POMT2: variants seen among roughly 807,000 people sequenced by gnomAD.
POMT2 encodes the protein protein O-mannosyl-transferase 2.
A neutral mutation model predicts 100.0 loss-of-function variants in POMT2; 75 were observed. The ratio of observed to expected loss-of-function variants is 0.75; its 90% CI spans 0.62 to 0.91. The LOEUF is 0.91. Ranked by LOEUF, POMT2 falls within the 40% of genes least tolerant of loss-of-function variation. The pLI, the probability that POMT2 is intolerant of heterozygous loss-of-function variation, is 0.00. For missense variants in POMT2, 940 were observed against 955.1 expected (o/e 0.98, Z 0.21); for synonymous variants, 378 against 374.1 (o/e 1.01, Z -0.12).
At chr14:77,283,646 C>T in intron 15 of POMT2, 151 bp downstream of exon 15, 1 of 755,876 alleles carries the variant, frequency 1.3e-6, no homozygotes, top group Non-Finnish European at 2.3e-6. Flanking sequence ...GAGGGAAATG[C>T]CTTTGAGGAT....
intron 15 of POMT2, 30 bp downstream of exon 15, chr14:77,283,767 G>C (rs1252864006): frequency 6.4e-7 from 1 of 1,555,156 alleles, no homozygotes; most frequent in Non-Finnish European, 8.9e-7. Flanking sequence ...AGCTCTTAGA[G>C]ACGCCATGAA....
In POMT2 at chr14:77,298,900, G is replaced by A. The variant is rs1029641877; in HGVS notation, c.924-129C>T. Reference sequence around the variant, plus strand: ...GAATCAGATCATGGGACAGAGGTGGGTGATGGAGTTGGAGAAACTGGGGTC... The same window carrying A: ...GAATCAGATCATGGGACAGAGGTGGATGATGGAGTTGGAGAAACTGGGGTC... On this transcript the variant is annotated intron_variant, in intron 7 of 20. Coordinates refer to ENST00000261534, the MANE Select transcript of POMT2 (RefSeq NM_013382.7). 4 of 926,792 alleles carry A rather than the reference G, an allele frequency of 4.3e-6. No individual in the cohort carries two copies. In the Admixed American group the frequency reaches 6.0e-5, roughly 14 times the overall value. The allele number at this position is 926,792 out of a possible 1,614,324, so 57.4% of individuals were successfully genotyped here.
intron 20 of POMT2, 110 bp from the exon 21 acceptor site, chr14:77,277,591 C>T: frequency 1.1e-6 from 1 of 894,148 alleles, no homozygotes; most frequent in Non-Finnish European, 1.9e-6. Flanking sequence ...CATCGCCAAG[C>T]CCGGTTCTCT....
chr14:77,311,504 C>T (rs1023716135), intron 2 of POMT2, among the ~76,000 whole-genome samples: 14 of 152,168 alleles, frequency 9.2e-5, no homozygotes, highest in African/African-American at 3.4e-4. Context: ...ATCCTCCCTG[C>T]CCTGAGATCC....
chr14:77,279,130 C>A (rs370297950), intron 18 of POMT2: 1 of 552,220 alleles, frequency 1.8e-6, no homozygotes, highest in African/African-American at 1.9e-5. Flanking sequence ...TCTAAAGAAA[C>A]CCTTCTGCGC....
chr14:77,304,695 AG>A lies in POMT2; in HGVS notation c.543del (p.Phe182LeufsTer18). On this transcript the variant is annotated frameshift_variant, in exon 4 of 21. Transcript: ENST00000261534. LOFTEE classifies it high-confidence loss of function. Reference protein sequence around the residue: ...SAALLTAALLTFDTGCLTLSQ... With the variant: ...SAALLTAALLXFDTGCLTLSQ... ...TGGTATGGCTAAGACAACTTACCAA[AG>A]GTGAGGAGGGCAGCTGTGAGCAGTG... The A allele has an allele frequency of 6.3e-7, 1 of 1,583,956 alleles. No individual in the cohort carries two copies. Among genetic ancestry groups the A allele is most frequent in the Non-Finnish European group, 8.6e-7 (1 of 1,165,910 alleles).
chr14:77,302,986 A>G (rs1566657263), intron 4 of POMT2, 43 bp from the exon 5 acceptor site: 1 of 1,483,344 alleles, frequency 6.7e-7, no homozygotes, highest in Non-Finnish European at 9.3e-7. Context: ...AGGTAAGAGA[A>G]GGGCCCCCTG....
intron 1 of POMT2, 128 bp from the exon 2 acceptor site, chr14:77,312,161 A>C: frequency 2.1e-6 from 3 of 1,432,816 alleles, no homozygotes; most frequent in Non-Finnish European, 2.8e-6. Flanking sequence ...CTGGATTTAA[A>C]AAAAAAATAT....
At chr14:77,300,424 G>A (rs7155115) in intron 6 of POMT2, 3,621 of 155,182 alleles carry the variant, frequency 0.023, 146 homozygotes, top group African/African-American at 0.083. Context: ...AAGGTAAAGC[G>A]TTTCGCATAG....
intron 1 of POMT2, among the ~76,000 whole-genome samples, chr14:77,315,729 C>T (rs926303174): frequency 1.3e-5 from 2 of 152,200 alleles, no homozygotes; most frequent in Non-Finnish European, 2.9e-5. Flanking sequence ...AACTTCGTGG[C>T]GGCTGGGTGC....
At chr14:77,298,085 T>G (rs1014614188) in intron 8 of POMT2, among the ~76,000 whole-genome samples, 1 of 152,220 alleles carries the variant, frequency 6.6e-6, no homozygotes, top group Admixed American at 6.5e-5. Context: ...GCTTTGATCA[T>G]GTCATCCCTC....
At chr14:77,294,499 TTTTTAGTA>T (rs1349572966) in intron 9 of POMT2, among the ~76,000 whole-genome samples, 1 of 152,208 alleles carries the variant, frequency 6.6e-6, no homozygotes, top group Non-Finnish European at 1.5e-5. Flanking sequence ...TTTTTTTGTA[TTTTTAGTA>T]GAGATGGGGT....
At chr14:77,283,263 T>C (rs1372099224) in intron 15 of POMT2, among the ~76,000 whole-genome samples, 4 of 152,254 alleles carry the variant, frequency 2.6e-5, no homozygotes, top group Non-Finnish European at 5.9e-5. Flanking sequence ...TGATTTCATA[T>C]GATGGAATGA....
intron 2 of POMT2, chr14:77,306,857 AGT>A (rs1206270374): frequency 4.1e-6 from 1 of 246,776 alleles, no homozygotes; most frequent in Non-Finnish European, 7.9e-6. Context: ...TCCAAGTCAC[AGT>A]GAGAGAGAAA....
intron 1 of POMT2, among the ~76,000 whole-genome samples, chr14:77,320,106 C>T (rs1258274617): frequency 6.6e-6 from 1 of 152,086 alleles, no homozygotes; most frequent in Non-Finnish European, 1.5e-5. Flanking sequence ...AAATTCTGTA[C>T]CCAAAAATTT....
chr14:77,320,866 G>A lies in POMT2; in HGVS notation c.-185C>T. On this transcript the variant is annotated 5_prime_UTR_variant, in exon 1 of 21. Coordinates refer to ENST00000261534, the MANE Select transcript of POMT2 (RefSeq NM_013382.7). ...AGCGTGGTCGCGGCCCGGGCCGCTA[G>A]GAGGCGGCAGGAGGCGCAGAGCATG... is the stretch of plus-strand genomic sequence containing the variant. The A allele has an allele frequency of 8.2e-7, 1 of 1,216,740 alleles. No individual in the cohort carries two copies. Among genetic ancestry groups the A allele is most frequent in the Non-Finnish European group, 1.1e-6 (1 of 937,246 alleles). The allele number at this position is 1,216,740 out of a possible 1,614,324, so 75.4% of individuals were successfully genotyped here. A position where few individuals can be genotyped will look rare whatever the true frequency, so the allele number is the denominator to read the frequency against.
At chr14:77,300,312 C>T (rs1443583240) in intron 6 of POMT2, 1 of 154,660 alleles carries the variant, frequency 6.5e-6, no homozygotes, top group Non-Finnish European at 1.4e-5. Context: ...CCGATGGCCT[C>T]GGGGAAGTCA....
chr14:77,292,114 A>G (rs770758672), intron 9 of POMT2, among the ~76,000 whole-genome samples: 56 of 152,236 alleles, frequency 3.7e-4, no homozygotes, highest in Non-Finnish European at 6.0e-4. Flanking sequence ...ATGTGGCCAA[A>G]TGAAACGAAA....
chr14:77,285,625 G>T lies in POMT2; in HGVS notation c.1340C>A (p.Thr447Lys). The part of the protein sequence containing the change: ...YQVTGYGING[T>K]GDSNDFWRIE... ...CCGCCAGAAATCATTTGAGTCCCCTGTTCCATTCTGCCATAAAAGCCAAGA... is the reference window on the plus strand; with the variant it reads ...CCGCCAGAAATCATTTGAGTCCCCTTTTCCATTCTGCCATAAAAGCCAAGA... The change falls in exon 13 of 21, where the codon ACA becomes AAA. Residue 447 changes from threonine (T) to lysine (K), a missense_variant. By Grantham distance (78) the Thr-to-Lys change is moderately conservative. Transcript: ENST00000261534. The T allele has an allele frequency of 6.2e-7, 1 of 1,612,278 alleles. No individual in the cohort carries two copies. The highest frequency in any genetic ancestry group is 8.5e-7 in the Non-Finnish European group (1 of 1,178,392).
Sources: gnomAD v4.1 joint callset for allele counts (sites outside exome capture counted in the v4.1 genomes callset) on GRCh38, gnomAD v4.1.1 for gene constraint, MANE v1.5 for transcripts, NCBI Gene and HGNC (gene_info 2026-07-23, HGNC 2026-07-21) for gene names.